The following GALNT6 variants were observed in gnomAD, a reference collection of about 807,000 sequenced individuals.
GALNT6 encodes GalNAc transferase 6.
In GALNT6, 51 loss-of-function variants were observed where a neutral mutation model predicts 65.9. The observed-to-expected ratio is 0.77, with a 90% CI of 0.62 to 0.98. GALNT6 has a LOEUF of 0.98. Ranked by LOEUF, GALNT6 falls within the 50% of genes least tolerant of loss-of-function variation. GALNT6 has a pLI of 0.00. For synonymous variants in GALNT6, 323 were observed against 315.1 expected (o/e 1.02, Z -0.26); for missense variants, 708 against 803.3 (o/e 0.88, Z 1.43).
chr12:51,371,203 C>T (rs1207254876), intron 4 of GALNT6, among the ~76,000 whole-genome samples: 4 of 151,982 alleles, frequency 2.6e-5, no homozygotes, highest in Non-Finnish European at 4.4e-5. Context: ...TCTGCCTCAG[C>T]CTCCTGAGTA....
At chr12:51,388,224 G>A (rs148430794) in intron 2 of GALNT6, among the ~76,000 whole-genome samples, 2 of 152,166 alleles carry the variant, frequency 1.3e-5, no homozygotes, top group East Asian at 1.9e-4. Context: ...ATTTGAAATT[G>A]GGCCTTTATC....
intron 6 of GALNT6, among the ~76,000 whole-genome samples, chr12:51,363,604 C>T (rs1461572901): frequency 2.0e-5 from 3 of 152,242 alleles, no homozygotes; most frequent in South Asian, 4.1e-4. Flanking sequence ...AAACTTCACG[C>T]TGCAGAAAAT....
chr12:51,359,084 G>A, intron 8 of GALNT6, 48 bp downstream of exon 8: 1 of 1,446,508 alleles, frequency 6.9e-7, no homozygotes, highest in Non-Finnish European at 9.7e-7. Context: ...GGGTCTGGGG[G>A]CCGTACTTCT....
chr12:51,362,650 G>A (rs1374745737), intron 6 of GALNT6, among the ~76,000 whole-genome samples: 2 of 151,730 alleles, frequency 1.3e-5, no homozygotes, highest in African/African-American at 2.4e-5. Flanking sequence ...GTGGGGGTGG[G>A]GATCTGTTGC....
chr12:51,366,233 G>T (rs1275595848), intron 4 of GALNT6, among the ~76,000 whole-genome samples: 1 of 152,154 alleles, frequency 6.6e-6, no homozygotes, highest in African/African-American at 2.4e-5. Flanking sequence ...ACAAAATTCT[G>T]ACAGAGGCTC....
chr12:51,364,802 A>G (rs1449841398), intron 5 of GALNT6, among the ~76,000 whole-genome samples: 1 of 152,198 alleles, frequency 6.6e-6, no homozygotes, highest in Non-Finnish European at 1.5e-5. Flanking sequence ...ATTTTCAGTG[A>G]GCTTCTGCAC....
intron 3 of GALNT6, among the ~76,000 whole-genome samples, chr12:51,378,434 G>C (rs1424524387): frequency 6.6e-6 from 1 of 152,106 alleles, no homozygotes; most frequent in Admixed American, 6.5e-5. Flanking sequence ...TGGGATTATA[G>C]GCATGAGCCA....
In GALNT6 at chr12:51,385,600, CA is replaced by C. The variant is rs544714662; in HGVS notation, c.-104+5249del. Among the ~76,000 whole-genome samples, 179 of 152,228 alleles carry C rather than the reference CA, an allele frequency of 1.2e-3. 1 individual carries two copies. The highest frequency in any genetic ancestry group is 4.2e-3 in the African/African-American group (175 of 41,532). On this transcript the variant is annotated intron_variant, in intron 2 of 11. Transcript: ENST00000356317. Reference sequence around the variant, plus strand: ...AAGTTTGAAAGCCAGTGACACAGTCCAAACCCCACAGTTTATATTCTAGCCC... The same window carrying C: ...AAGTTTGAAAGCCAGTGACACAGTCCAACCCCACAGTTTATATTCTAGCCC...
rs1287694700 is a variant in GALNT6, at chr12:51,365,542, C to G, written c.702G>C (p.Gln234His). ...LKEKLEQYVK[Q>H]LQVVRVVRQE... ...GCCGCACCACCCTCACCACCTGCAG[C>G]TGCTTCACGTACTGCTCCAGCTTCT... Residue 234 changes from glutamine (Q) to histidine (H), a missense_variant, in exon 5 of 12, where the codon CAG becomes CAC. Gln to His is a conservative substitution (Grantham distance 24). Transcript: ENST00000356317. 6.2e-7 allele frequency: 1 copy of G among 1,613,530 alleles called. No individual in the cohort carries two copies. Among genetic ancestry groups the G allele is most frequent in the Non-Finnish European group, 8.5e-7 (1 of 1,179,986 alleles).
intron 4 of GALNT6, among the ~76,000 whole-genome samples, chr12:51,376,917 C>G (rs1947474286): frequency 6.6e-6 from 1 of 152,220 alleles, no homozygotes; most frequent in South Asian, 2.1e-4. Flanking sequence ...TCTGCCCTGT[C>G]TCTCCCAGCA....
In GALNT6 at chr12:51,354,332, G is replaced by A. The variant is rs979498020; in HGVS notation, c.*47C>T. The A allele has an allele frequency of 1.8e-5, 19 of 1,062,350 alleles. No individual in the cohort carries two copies. The highest frequency in any genetic ancestry group is 2.6e-5 in the Non-Finnish European group (19 of 733,290). 65.8% of individuals were successfully genotyped at this position (1,062,350 alleles called of 1,614,324 possible). On this transcript the variant is annotated 3_prime_UTR_variant, in exon 12 of 12. Transcript: ENST00000356317. Reference sequence around the variant, plus strand: ...CAGGTTCCCAGACATCAGCAATCCTGTTTCCTGAGGAGCTTGTGGGGGCTC... The same window carrying A: ...CAGGTTCCCAGACATCAGCAATCCTATTTCCTGAGGAGCTTGTGGGGGCTC...
rs187939146 is a variant in GALNT6 at position 51,381,158 on chromosome 12, G to A, written c.-103-1274C>T. 3.2e-4 allele frequency among the ~76,000 whole-genome samples: 48 copies of A among 152,272 alleles called. 1 individual carries two copies. Among genetic ancestry groups the A allele is most frequent in the Admixed American group, 1.0e-3 (16 of 15,298 alleles). Reference sequence around the variant, plus strand: ...GGGAGGCTGAAGCAGGAGGACTGCTGGAGCCCAGGAGGTTAAGGCTGCAGT... The same window carrying A: ...GGGAGGCTGAAGCAGGAGGACTGCTAGAGCCCAGGAGGTTAAGGCTGCAGT... On this transcript the variant is annotated intron_variant, in intron 2 of 11. Transcript: ENST00000356317.
intron 2 of GALNT6, among the ~76,000 whole-genome samples, chr12:51,388,207 AACC>A (rs1446077421): frequency 3.3e-5 from 5 of 152,162 alleles, no homozygotes; most frequent in Admixed American, 6.5e-5. Flanking sequence ...CTGCTTTCAA[AACC>A]TTCATTTGAA....
chr12:51,386,393 C>T lies in GALNT6; in HGVS notation c.-104+4457G>A, dbSNP rs545781762. The stretch of plus-strand genomic sequence containing the variant: ...CCTTTGATCCCCTTCCTGGCATTTG[C>T]CTTCCTCCCACTCAAGGATACAAAT... On this transcript the variant is annotated intron_variant, in intron 2 of 11. Coordinates refer to ENST00000356317, the MANE Select transcript of GALNT6 (RefSeq NM_007210.4). 2.0e-5 allele frequency among the ~76,000 whole-genome samples: 3 copies of T among 152,314 alleles called. No homozygotes were observed. In the South Asian group the frequency reaches 6.2e-4, roughly 32 times the overall value.
At chr12:51,377,419 G>C (rs1947500134) in intron 3 of GALNT6, 52 bp from the exon 4 acceptor site, 3 of 1,534,678 alleles carry the variant, frequency 2.0e-6, no homozygotes, top group Non-Finnish European at 2.7e-6. Flanking sequence ...GGAGTACCAG[G>C]TGTGGGGAGG....
intron 9 of GALNT6, 26 bp downstream of exon 9, chr12:51,358,104 C>T: frequency 6.2e-7 from 1 of 1,606,006 alleles, no homozygotes; most frequent in South Asian, 1.1e-5. Flanking sequence ...TGGTGATGGG[C>T]AGGCAGGTTG....
In GALNT6 at chr12:51,357,598, G is replaced by A. The variant is rs554963057; in HGVS notation, c.1501-148C>T. ...CCCCCGTCATTTCTCTCCTCTGTGCGTTAACCCACATGCCTGGAGCTAACA... is the reference window on the plus strand; with the variant it reads ...CCCCCGTCATTTCTCTCCTCTGTGCATTAACCCACATGCCTGGAGCTAACA... On this transcript the variant is annotated intron_variant, in intron 9 of 11. Transcript: ENST00000356317. 3.6e-5 allele frequency: 23 copies of A among 642,984 alleles called. No homozygotes were observed. In the East Asian group the frequency reaches 5.3e-4, roughly 15 times the overall value. The allele number at this position is 642,984 out of a possible 1,614,324, so 39.8% of individuals were successfully genotyped here.
chr12:51,362,852 GGT>G (rs1946967036), intron 6 of GALNT6, among the ~76,000 whole-genome samples: 1 of 75,890 alleles, frequency 1.3e-5, no homozygotes, highest in Non-Finnish European at 2.9e-5. Flanking sequence ...ACTCTGAGCA[GGT>G]TTTTTTTTTT....
At chr12:51,357,597 C>T (rs535139797) in intron 9 of GALNT6, 147 bp from the exon 10 acceptor site, 18 of 642,588 alleles carry the variant, frequency 2.8e-5, no homozygotes, top group African/African-American at 3.6e-5. Context: ...CTCCTCTGTG[C>T]GTTAACCCAC....
Sources: gnomAD v4.1 joint callset for allele counts (sites outside exome capture counted in the v4.1 genomes callset) on GRCh38, gnomAD v4.1.1 for gene constraint, MANE v1.5 for transcripts, NCBI Gene and HGNC (gene_info 2026-07-23, HGNC 2026-07-21) for gene names.